ATG5: variants seen among roughly 807,000 people sequenced by gnomAD.
ATG5 encodes autophagy related 5, also known as autophagy protein 5.
A neutral mutation model predicts 36.5 loss-of-function variants in ATG5; 14 were observed. That is an observed-to-expected ratio of 0.38 (90% CI 0.25 to 0.60). ATG5 has a LOEUF of 0.60. Ranked by LOEUF, ATG5 falls within the 20% of genes least tolerant of loss-of-function variation. The probability of loss-of-function intolerance (pLI) is 0.60; values close to 1 mark genes in which losing one functional copy is unlikely to be tolerated. For synonymous variants in ATG5, 95 were observed against 101.5 expected (o/e 0.94, Z 0.38); for missense variants, 195 against 326.7 (o/e 0.60, Z 3.11).
At chr6:106,300,106 A>G (rs982451596) in intron 3 of ATG5, among the ~76,000 whole-genome samples, 1 of 152,210 alleles carries the variant, frequency 6.6e-6, no homozygotes, top group Non-Finnish European at 1.5e-5. Flanking sequence ...TACCACATAT[A>G]TAAAATCTAT....
At chr6:106,308,623 A>G in intron 2 of ATG5, 132 bp from the exon 3 acceptor site, 1 of 671,148 alleles carries the variant, frequency 1.5e-6, no homozygotes, top group East Asian at 3.2e-5. Flanking sequence ...CACAAAGTCT[A>G]CTGCTTTTTA....
At chr6:106,230,237 C>T (rs1173863010) in intron 6 of ATG5, among the ~76,000 whole-genome samples, 5 of 151,920 alleles carry the variant, frequency 3.3e-5, no homozygotes, top group African/African-American at 7.3e-5. Flanking sequence ...ACGTACTTAC[C>T]GAATCAAAAA....
intron 7 of ATG5, among the ~76,000 whole-genome samples, chr6:106,190,501 G>A (rs1006751392): frequency 1.3e-5 from 2 of 152,174 alleles, no homozygotes; most frequent in Non-Finnish European, 2.9e-5. Context: ...TGCACATATT[G>A]CATTTAATTT....
In ATG5 at chr6:106,308,454, G is replaced by C. The variant is rs1168222596; in HGVS notation, c.146C>G (p.Thr49Ser). 1.3e-6 allele frequency: 2 copies of C among 1,595,982 alleles called. No homozygotes were observed. The highest frequency in any genetic ancestry group is 1.7e-6 in the Non-Finnish European group (2 of 1,171,590). The change falls in exon 3 of 8, where the codon ACT becomes AGT. Residue 49 changes from threonine (T) to serine (S), a missense_variant. Transcript: ENST00000369076. The part of the protein sequence containing the change: ...LPRVSYLTLV[T>S]DKVKKHFQKV... ...CTGAAAGTGCTTTTTCACTTTGTCA[G>C]TTACCAACGTCAAATAACTTACTCT...
intron 7 of ATG5, among the ~76,000 whole-genome samples, chr6:106,193,032 T>C (rs1776029268): frequency 6.6e-6 from 1 of 152,138 alleles, no homozygotes; most frequent in Non-Finnish European, 1.5e-5. Context: ...GCCAAAGAAA[T>C]ACATCAAACG....
chr6:106,240,845 T>C (rs1425018793), intron 6 of ATG5, among the ~76,000 whole-genome samples: 1 of 152,142 alleles, frequency 6.6e-6, no homozygotes, highest in Non-Finnish European at 1.5e-5. Flanking sequence ...TTAAACATAA[T>C]GCAGCCATTA....
At chr6:106,263,438 G>C (rs751563519) in intron 5 of ATG5, among the ~76,000 whole-genome samples, 1 of 152,234 alleles carries the variant, frequency 6.6e-6, no homozygotes, top group Non-Finnish European at 1.5e-5. Flanking sequence ...AATCATTCCT[G>C]CCTGCTGACT....
intron 6 of ATG5, among the ~76,000 whole-genome samples, chr6:106,236,496 T>A (rs972927359): frequency 6.6e-6 from 1 of 152,226 alleles, no homozygotes. Context: ...ACTACTTTGT[T>A]AATCTTTTTA....
chr6:106,302,388 A>T (rs1167692133), intron 3 of ATG5, among the ~76,000 whole-genome samples: 2 of 152,066 alleles, frequency 1.3e-5, no homozygotes, highest in Admixed American at 6.6e-5. Context: ...TATACTGTAG[A>T]TGATGGTAAG....
chr6:106,200,759 T>G (rs1207845033), intron 7 of ATG5, among the ~76,000 whole-genome samples: 1 of 152,190 alleles, frequency 6.6e-6, no homozygotes, highest in Non-Finnish European at 1.5e-5. Context: ...GGATTACGCG[T>G]GAGCCACCAC....
In ATG5 at chr6:106,309,242, C is replaced by T. The variant is rs529606564; in HGVS notation, c.109-751G>A. ...TTGGCTGCTTTTATAACCGCATCATCTTTCATGCTTTTTATTCAAGGTGAT... is the reference window on the plus strand; with the variant it reads ...TTGGCTGCTTTTATAACCGCATCATTTTTCATGCTTTTTATTCAAGGTGAT... On this transcript the variant is annotated intron_variant, in intron 2 of 7. Transcript: ENST00000369076. Among the ~76,000 whole-genome samples the T allele has an allele frequency of 2.0e-4, 30 of 152,250 alleles. No homozygotes were observed. In the South Asian group the frequency reaches 6.2e-3, roughly 32 times the overall value.
At chr6:106,322,100 A>C (rs1193560943) in intron 1 of ATG5, among the ~76,000 whole-genome samples, 1 of 152,174 alleles carries the variant, frequency 6.6e-6, no homozygotes, top group Non-Finnish European at 1.5e-5. Context: ...TTGGAAATAA[A>C]GAAACTCCAA....
intron 4 of ATG5, among the ~76,000 whole-genome samples, chr6:106,288,219 C>T (rs1005824612): frequency 5.9e-5 from 9 of 152,078 alleles, no homozygotes; most frequent in Non-Finnish European, 1.3e-4. Flanking sequence ...GATCCACCTG[C>T]CTCACCTCCC....
At chr6:106,312,842 C>T (rs148254047) in intron 2 of ATG5, among the ~76,000 whole-genome samples, 3 of 152,254 alleles carry the variant, frequency 2.0e-5, no homozygotes, top group African/African-American at 7.2e-5. Flanking sequence ...TTGGCAAGAA[C>T]AGTTTTCTTG....
intron 7 of ATG5, among the ~76,000 whole-genome samples, chr6:106,200,889 C>T (rs11759048): frequency 0.11 from 16,774 of 152,132 alleles, 1,004 homozygotes; most frequent in South Asian, 0.16. Flanking sequence ...ATTTTACACA[C>T]ACACACACAC....
chr6:106,236,578 C>G (rs12529488), intron 6 of ATG5, among the ~76,000 whole-genome samples: 1 of 152,136 alleles, frequency 6.6e-6, no homozygotes, highest in African/African-American at 2.4e-5. Context: ...TTTCATTTTC[C>G]TGATGAGTAA....
intron 7 of ATG5, among the ~76,000 whole-genome samples, chr6:106,191,961 C>T (rs1775981810): frequency 6.6e-6 from 1 of 152,066 alleles, no homozygotes; most frequent in African/African-American, 2.4e-5. Flanking sequence ...CATGGTAATA[C>T]CTCCTGAATT....
chr6:106,212,092 A>C (rs980370581), intron 6 of ATG5, among the ~76,000 whole-genome samples: 1 of 152,228 alleles, frequency 6.6e-6, no homozygotes, highest in Non-Finnish European at 1.5e-5. Context: ...ATATAATTAG[A>C]TTTGCCTAAC....
At chr6:106,223,614 T>A (rs1454541807) in intron 6 of ATG5, among the ~76,000 whole-genome samples, 1 of 152,208 alleles carries the variant, frequency 6.6e-6, no homozygotes, top group African/African-American at 2.4e-5. Flanking sequence ...AAGCAGATGA[T>A]TATCATTCAC....
Sources: gnomAD v4.1 joint callset for allele counts (sites outside exome capture counted in the v4.1 genomes callset) on GRCh38, gnomAD v4.1.1 for gene constraint, MANE v1.5 for transcripts, NCBI Gene and HGNC (gene_info 2026-07-23, HGNC 2026-07-21) for gene names.